STK3: variants seen among roughly 807,000 people sequenced by gnomAD.
The protein encoded by STK3 is serine/threonine kinase 3, also known as serine/threonine-protein kinase 3.
A neutral mutation model predicts 58.0 loss-of-function variants in STK3; 41 were observed. That is an observed-to-expected ratio of 0.71 (90% CI 0.55 to 0.92). STK3 has a LOEUF of 0.92. Ranked by LOEUF, STK3 falls within the 40% of genes least tolerant of loss-of-function variation. The probability of loss-of-function intolerance (pLI) is 0.00; values close to 1 mark genes in which losing one functional copy is unlikely to be tolerated. For synonymous variants in STK3, 170 were observed against 191.0 expected, an observed-to-expected ratio of 0.89 and a Z score of 0.91; for missense variants, 479 against 602.7, an observed-to-expected ratio of 0.79 and a Z score of 2.15.
At chr8:98,874,003 G>A (rs1049874616) in intron 3 of STK3, among the ~76,000 whole-genome samples, 1 of 152,052 alleles carries the variant, frequency 6.6e-6, no homozygotes, top group Non-Finnish European at 1.5e-5. Context: ...TCCATGTTTA[G>A]TGCTTCCTTC....
intron 6 of STK3, among the ~76,000 whole-genome samples, chr8:98,600,648 A>G (rs1244376210): frequency 6.6e-6 from 1 of 152,208 alleles, no homozygotes; most frequent in Non-Finnish European, 1.5e-5. Flanking sequence ...ATATACATTC[A>G]GTCTCTAGAA....
chr8:98,879,737 C>G (rs1837723798), downstream of STK3: 3 of 152,148 alleles, frequency 2.0e-5, no homozygotes, highest in South Asian at 6.2e-4. Context: ...TAATTCATAT[C>G]TCAAAAACAT....
intron 7 of STK3, among the ~76,000 whole-genome samples, chr8:98,594,634 T>C (rs1815645748): frequency 6.6e-6 from 1 of 152,078 alleles, no homozygotes; most frequent in African/African-American, 2.4e-5. Context: ...TACACACACA[T>C]ATAATATACA....
At chr8:98,891,626 T>TGTGA (rs1554696692) in intron 1 of STK3, among the ~76,000 whole-genome samples, 2,052 of 148,410 alleles carry the variant, frequency 0.014, 21 homozygotes, top group Admixed American at 0.049. Context: ...TGTGTGTGTG[T>TGTGA]GAGAGAGAGA....
intron 1 of STK3, among the ~76,000 whole-genome samples, chr8:98,914,663 A>T (rs1173360001): frequency 1.3e-5 from 2 of 152,188 alleles, no homozygotes; most frequent in African/African-American, 2.4e-5. Flanking sequence ...CTCTTTAAGC[A>T]GAATGGATTT....
intron 4 of STK3, among the ~76,000 whole-genome samples, chr8:98,719,864 G>A (rs1827273595): frequency 6.6e-6 from 1 of 152,224 alleles, no homozygotes; most frequent in South Asian, 2.1e-4. Flanking sequence ...AAGGTGGAGA[G>A]TGCAGATCTG....
At chr8:98,664,783 C>A (rs377130778) in intron 6 of STK3, among the ~76,000 whole-genome samples, 254 of 152,108 alleles carry the variant, frequency 1.7e-3, no homozygotes, top group African/African-American at 5.8e-3. Flanking sequence ...GCCTATAATC[C>A]CAGCTACTTG....
chr8:98,415,524 C>G (rs755667909), intron 3 of STK3, among the ~76,000 whole-genome samples: 1 of 152,200 alleles, frequency 6.6e-6, no homozygotes, highest in Non-Finnish European at 1.5e-5. Context: ...CATCTCTATT[C>G]CCTCCTAAGA....
chr8:98,677,590 T>C (rs947407952), intron 6 of STK3, among the ~76,000 whole-genome samples: 4 of 152,030 alleles, frequency 2.6e-5, no homozygotes, highest in Admixed American at 6.6e-5. Flanking sequence ...GAGATGGAGA[T>C]GGAGACAGAG....
intron 10 of STK3, among the ~76,000 whole-genome samples, chr8:98,459,265 G>C (rs964235914): frequency 2.0e-5 from 3 of 152,210 alleles, no homozygotes; most frequent in African/African-American, 4.8e-5. Flanking sequence ...CTAGAGATCT[G>C]TGAAACTTTG....
intron 10 of STK3, among the ~76,000 whole-genome samples, chr8:98,489,727 T>C (rs1248314465): frequency 6.6e-6 from 1 of 152,196 alleles, no homozygotes; most frequent in Non-Finnish European, 1.5e-5. Context: ...AAAATTCCAC[T>C]TTTATTTATT....
Position 98,708,150 on chromosome 8 carries a change from A to AG in STK3, c.352-840_352-839insC, listed in dbSNP as rs1205466443. On this transcript the variant is annotated intron_variant, in intron 4 of 10. Transcript: ENST00000419617. Reference sequence around the variant, plus strand: ...CGAGACTCCATCTCAAAAAAAAAAAAAAATTATCAGTATCATTCCTAAAGC... The same window carrying AG: ...CGAGACTCCATCTCAAAAAAAAAAAAGAAATTATCAGTATCATTCCTAAAGC... 4.6e-5 allele frequency among the ~76,000 whole-genome samples: 7 copies of AG among 152,250 alleles called. No homozygotes were observed. The East Asian group carries it at 1.4e-3, about 29-fold the overall frequency.
intron 9 of STK3, among the ~76,000 whole-genome samples, chr8:98,539,905 C>A (rs1810096040): frequency 6.6e-6 from 1 of 152,174 alleles, no homozygotes; most frequent in Admixed American, 6.5e-5. Context: ...AGGTGCATGC[C>A]ACCATGCCCA....
At chr8:98,368,931 T>C (rs989758321), downstream of STK3, among the ~76,000 whole-genome samples, 1 of 152,300 alleles carries the variant, frequency 6.6e-6, no homozygotes, top group Admixed American at 6.5e-5. Flanking sequence ...CAAGCTCCTA[T>C]TGTACTTTGC....
intron 9 of STK3, among the ~76,000 whole-genome samples, chr8:98,537,698 T>G (rs1021157987): frequency 1.3e-5 from 2 of 152,194 alleles, no homozygotes; most frequent in South Asian, 2.1e-4. Flanking sequence ...ACAATAATTT[T>G]AACGTTCAGA....
intron 1 of STK3, among the ~76,000 whole-genome samples, chr8:98,937,282 C>T (rs1840231550): frequency 6.6e-6 from 1 of 152,058 alleles, no homozygotes; most frequent in Non-Finnish European, 1.5e-5. Context: ...CTATGGTCAC[C>T]AATCACAATG....
intron 4 of STK3, among the ~76,000 whole-genome samples, chr8:98,738,121 G>C (rs115020214): frequency 6.6e-6 from 1 of 152,214 alleles, no homozygotes; most frequent in Non-Finnish European, 1.5e-5. Context: ...CAAATTATGA[G>C]TTAAATGTAA....
intron 1 of STK3, among the ~76,000 whole-genome samples, chr8:98,906,669 T>C (rs1353999064): frequency 2.6e-5 from 4 of 152,238 alleles, no homozygotes; most frequent in African/African-American, 9.6e-5. Flanking sequence ...ATGTTATTTT[T>C]AAAAATTGCC....
At chr8:98,497,476 T>G (rs1467060796) in intron 10 of STK3, among the ~76,000 whole-genome samples, 1 of 151,696 alleles carries the variant, frequency 6.6e-6, no homozygotes. Flanking sequence ...AAAATGTGCT[T>G]CAAAGGACAC....
Sources: gnomAD v4.1 joint callset for allele counts (sites outside exome capture counted in the v4.1 genomes callset) on GRCh38, gnomAD v4.1.1 for gene constraint, MANE v1.5 for transcripts, NCBI Gene and HGNC (gene_info 2026-07-23, HGNC 2026-07-21) for gene names.